PLPPR2: variants seen among roughly 807,000 people sequenced by gnomAD.
PLPPR2 encodes phospholipid phosphatase related 2, also known as phospholipid phosphatase-related protein type 2.
In PLPPR2, 11 loss-of-function variants were observed where a neutral mutation model predicts 40.3. The observed-to-expected ratio is 0.27, with a 90% confidence interval of 0.17 to 0.45. PLPPR2 has a LOEUF of 0.45. Ranked by LOEUF, PLPPR2 falls within the 20% of genes least tolerant of loss-of-function variation. The pLI is 1.00. For missense variants in PLPPR2, 497 were observed against 640.7 expected (o/e 0.78, Z 2.42); for synonymous variants, 260 against 290.8 (o/e 0.89, Z 1.08).
In PLPPR2 at chr19:11,363,926, G is replaced by A. The variant is rs1445164736; in HGVS notation, c.963+91G>A. On this transcript the variant is annotated intron_variant, in intron 8 of 9. Coordinates refer to ENST00000688289, the MANE Select transcript of PLPPR2 (RefSeq NM_001393892.1). The surrounding 1 kb of genome is among the most constrained non-coding windows in gnomAD (Gnocchi z 4.8). ...GAAGGAAGTCAGGCAAGAGGTGGGG[G>A]TCTCAGAACCATGGGGAAGTGGAGG... is the stretch of plus-strand genomic sequence containing the variant. 26 of 1,471,020 alleles carry A rather than the reference G, an allele frequency of 1.8e-5. No individual in the cohort carries two copies. The Admixed American group carries it at 5.7e-4, about 32-fold the overall frequency. The allele number at this position is 1,471,020 out of a possible 1,614,324, so 91.1% of individuals were successfully genotyped here.
In PLPPR2 at chr19:11,361,709, GC is replaced by G. The variant is rs1198687368; in HGVS notation, c.663+224del. Among the ~76,000 whole-genome samples the G allele has an allele frequency of 6.6e-6, 1 of 152,044 alleles. No homozygotes were observed. The highest frequency in any genetic ancestry group is 2.4e-5 in the African/African-American group (1 of 41,382). On this transcript the variant is annotated intron_variant, in intron 6 of 9. Transcript: ENST00000688289. This position sits in a 1 kb window ranked among gnomAD's most constrained non-coding sequence, Gnocchi z 6.3. ...TCGCTGTCCATTGACTCCGCCCCTT[GC>G]CCTCTGGCCACGCCTCCTGAGCCAG...
Position 11,357,681 on chromosome 19 carries a change from G to A in PLPPR2, c.8G>A (p.Gly3Glu), listed in dbSNP as rs199924934. Reference protein sequence around the residue: MAGGRPHLKRSFS... With the variant: MAEGRPHLKRSFS... ...GCAGGCCTGGCCTTCACCATGGCGG[G>A]AGGGAGACCGCATCTGAAGAGGAGT... is the stretch of plus-strand genomic sequence containing the variant. The change falls in exon 3 of 10, where the codon GGA (glycine) becomes GAA (glutamate). Residue 3 changes from glycine to glutamate, a missense_variant. Physicochemically the swap from Gly to Glu is moderately conservative, Grantham distance 98. Transcript: ENST00000688289. 3 of 1,607,160 alleles carry A rather than the reference G, an allele frequency of 1.9e-6. No homozygotes were observed. The highest frequency in any genetic ancestry group is 2.3e-5 in the East Asian group (1 of 44,432).
At chr19:11,355,705 G>C (rs1260999640) in intron 1 of PLPPR2, 133 bp downstream of exon 1, 1 of 151,932 alleles carries the variant, frequency 6.6e-6, no homozygotes, top group Non-Finnish European at 1.5e-5. Flanking sequence ...GAGGCGGCGA[G>C]CTGGGGGAGG....
At position 11,364,187 on chromosome 19, in the gene PLPPR2, G is replaced by A. The variant is rs1230367086; in HGVS notation, c.990G>A (p.Ser330=). 8.7e-6 allele frequency: 14 copies of A among 1,612,116 alleles called. No homozygotes were observed. In the South Asian group the frequency reaches 1.3e-4, roughly 15 times the overall value. ...AACCCGAGGTCTGCAGGCCGCATTC[G>A]ACACCGGCACGGCTCACCCCATCCA... is the stretch of plus-strand genomic sequence containing the variant. ...AQEPEVCRPH[S]TPARLTPSKS... Residue 330 remains serine, a synonymous_variant, in exon 9 of 10, where the codon TCG becomes TCA. Coordinates refer to ENST00000688289, the MANE Select transcript of PLPPR2 (RefSeq NM_001393892.1). This position sits in a 1 kb window ranked among gnomAD's most constrained non-coding sequence, Gnocchi z 5.8.
Position 11,361,165 on chromosome 19 carries a change from G to T in PLPPR2, c.392-52G>T. ...GGAGCTAAGAGGCCCAATGGAATCA[G>T]TGGGAGCATCAGGGCCTGGCGCATG... On this transcript the variant is annotated intron_variant, in intron 5 of 9. Transcript: ENST00000688289. The surrounding 1 kb of genome is among the most constrained non-coding windows in gnomAD (Gnocchi z 6.3). 6.5e-7 allele frequency: 1 copy of T among 1,545,860 alleles called. No homozygotes were observed. The highest frequency in any genetic ancestry group is 8.7e-7 in the Non-Finnish European group (1 of 1,147,074).
At position 11,362,356 on chromosome 19, in the gene PLPPR2, A is replaced by G; in HGVS notation, c.664-157A>G. ...TTGCCTTTTTGGTCACGCTCCCTGG[A>G]AAAGCCCACTGGGAGCCCATGACTC... On this transcript the variant is annotated intron_variant, in intron 6 of 9. Coordinates refer to ENST00000688289, the MANE Select transcript of PLPPR2 (RefSeq NM_001393892.1). The surrounding 1 kb of genome is among the most constrained non-coding windows in gnomAD (Gnocchi z 5.3). 1 of 513,432 alleles carries G rather than the reference A, an allele frequency of 1.9e-6. No individual in the cohort carries two copies. Among genetic ancestry groups the G allele is most frequent in the South Asian group, 2.0e-5 (1 of 50,578 alleles). The allele number at this position is 513,432 out of a possible 1,614,324, so 31.8% of individuals were successfully genotyped here. A position where few individuals can be genotyped will look rare whatever the true frequency, so the allele number is the denominator to read the frequency against.
In PLPPR2 at chr19:11,364,497, C is replaced by T. The variant is rs199560592; in HGVS notation, c.1166C>T (p.Thr389Ile). The T allele has an allele frequency of 2.0e-4, 311 of 1,521,306 alleles. No individual in the cohort carries two copies. Among genetic ancestry groups the T allele is most frequent in the Non-Finnish European group, 2.4e-4 (276 of 1,139,076 alleles). 94.2% of individuals were successfully genotyped at this position (1,521,306 alleles called of 1,614,324 possible). The change falls in exon 10 of 10, where the codon ACC becomes ATC. Residue 389 changes from threonine to isoleucine, a missense_variant. Physicochemically the swap from Thr to Ile is moderately conservative, Grantham distance 89. Coordinates refer to ENST00000688289, the MANE Select transcript of PLPPR2 (RefSeq NM_001393892.1). This position sits in a 1 kb window ranked among gnomAD's most constrained non-coding sequence, Gnocchi z 5.8. The part of the protein sequence containing the change: ...LPLPLPLPAP[T>I]PSQGPSPSSP... ...CTGCCCCTACCCCTGCCAGCGCCCA[C>T]CCCCAGCCAGGGCCCCTCGCCTTCC... is the stretch of plus-strand genomic sequence containing the variant.
At position 11,364,443 on chromosome 19, in the gene PLPPR2, G is replaced by C; in HGVS notation, c.1112G>C (p.Arg371Pro). ...MCSSPRVPRP[R>P]LRSEPTPLPL... ...TCGTCGCCCCGTGTGCCCCGTCCTC[G>C]ATTGAGGTCTGAGCCGACGCCCTTG... The change falls in exon 10 of 10, where the codon CGA becomes CCA. Residue 371 changes from arginine to proline, a missense_variant. Physicochemically the swap from Arg to Pro is moderately radical, Grantham distance 103 (BLOSUM62 -2). Transcript: ENST00000688289. The surrounding 1 kb of genome is among the most constrained non-coding windows in gnomAD (Gnocchi z 5.8). The C allele has an allele frequency of 6.6e-7, 1 of 1,518,962 alleles. No homozygotes were observed. Among genetic ancestry groups the C allele is most frequent in the Non-Finnish European group, 8.8e-7 (1 of 1,139,128 alleles). 94.1% of individuals were successfully genotyped at this position (1,518,962 alleles called of 1,614,324 possible).
Position 11,362,731 on chromosome 19 carries a change from C to A in PLPPR2, c.840+42C>A, listed in dbSNP as rs765501236. 1.9e-6 allele frequency: 3 copies of A among 1,584,514 alleles called. 1 individual carries two copies. In the South Asian group the frequency reaches 3.5e-5, roughly 18 times the overall value. On this transcript the variant is annotated intron_variant, in intron 7 of 9. Coordinates refer to ENST00000688289, the MANE Select transcript of PLPPR2 (RefSeq NM_001393892.1). This position sits in a 1 kb window ranked among gnomAD's most constrained non-coding sequence, Gnocchi z 5.3. Reference sequence around the variant, plus strand: ...ACCTTCCCAGCATGGAAGACCCTCACCAGCTCTCTGACCCAAGAGGCAGGA... The same window carrying A: ...ACCTTCCCAGCATGGAAGACCCTCAACAGCTCTCTGACCCAAGAGGCAGGA...
Position 11,359,431 on chromosome 19 carries a change from A to G in PLPPR2, c.67-101A>G. 9.1e-7 allele frequency: 1 copy of G among 1,099,962 alleles called. No homozygotes were observed. Among genetic ancestry groups the G allele is most frequent in the Non-Finnish European group, 1.2e-6 (1 of 803,984 alleles). The allele number at this position is 1,099,962 out of a possible 1,614,324, so 68.1% of individuals were successfully genotyped here. ...ATCTTCTAGTTTCTGTCTCTAACCC[A>G]TGTTTCTCCATCTCTGTATCTCTGC... On this transcript the variant is annotated intron_variant, in intron 3 of 9. Coordinates refer to ENST00000688289, the MANE Select transcript of PLPPR2 (RefSeq NM_001393892.1). This position sits in a 1 kb window ranked among gnomAD's most constrained non-coding sequence, Gnocchi z 5.6.
intron 3 of PLPPR2, 23 bp downstream of exon 3, chr19:11,357,762 C>T (rs772157583): frequency 7.0e-6 from 11 of 1,578,058 alleles, no homozygotes; most frequent in Admixed American, 1.8e-5. Flanking sequence ...GTACCTCTCC[C>T]AGAGACGGCG....
rs776305997 is a variant in PLPPR2 at position 11,363,884 on chromosome 19, G to A, written c.963+49G>A. On this transcript the variant is annotated intron_variant, in intron 8 of 9. Coordinates refer to ENST00000688289, the MANE Select transcript of PLPPR2 (RefSeq NM_001393892.1). The surrounding 1 kb of genome is among the most constrained non-coding windows in gnomAD (Gnocchi z 4.8). ...CCGGCTGGAGAGGGTGGTGGGTGGA[G>A]GGGGCCAAGGAGACAGGAAGGAAGT... The A allele has an allele frequency of 8.2e-6, 13 of 1,578,980 alleles. No homozygotes were observed. The South Asian group carries it at 1.2e-4, about 15-fold the overall frequency.
chr19:11,357,900 C>T (rs1967933444), intron 3 of PLPPR2, among the ~76,000 whole-genome samples, 161 bp downstream of exon 3: 1 of 152,064 alleles, frequency 6.6e-6, no homozygotes, highest in African/African-American at 2.4e-5. Context: ...AGTGCCACTC[C>T]CCGGGGTCCA....
Position 11,361,095 on chromosome 19 carries a change from A to G in PLPPR2, c.392-122A>G. The G allele has an allele frequency of 7.7e-7, 1 of 1,294,492 alleles. No homozygotes were observed. Among genetic ancestry groups the G allele is most frequent in the Non-Finnish European group, 1.0e-6 (1 of 961,644 alleles). 80.2% of individuals were successfully genotyped at this position (1,294,492 alleles called of 1,614,324 possible). ...CTTAAAGGAAGGGGGATGTTGGCAC[A>G]ACTACAGGGTCCCAAGTGTGCTTTA... On this transcript the variant is annotated intron_variant, in intron 5 of 9. Coordinates refer to ENST00000688289, the MANE Select transcript of PLPPR2 (RefSeq NM_001393892.1). The surrounding 1 kb of genome is among the most constrained non-coding windows in gnomAD (Gnocchi z 6.3).
In PLPPR2 at chr19:11,359,834, A is replaced by T; in HGVS notation, c.269A>T (p.Glu90Val). The T allele has an allele frequency of 6.2e-7, 1 of 1,612,016 alleles. No individual in the cohort carries two copies. Among genetic ancestry groups the T allele is most frequent in the Non-Finnish European group, 8.5e-7 (1 of 1,178,532 alleles). Residue 90 changes from glutamate to valine, a missense_variant, in exon 5 of 10, where the codon GAG becomes GTG. Transcript: ENST00000688289. The surrounding 1 kb of genome is among the most constrained non-coding windows in gnomAD (Gnocchi z 5.6). ...AGPTLTILLG[E>V]LARAFFPAPP... Reference sequence around the variant, plus strand: ...TCTTGCCCACAGATCCTGCTGGGAGAGCTGGCGCGTGCCTTTTTCCCTGCA... The same window carrying T: ...TCTTGCCCACAGATCCTGCTGGGAGTGCTGGCGCGTGCCTTTTTCCCTGCA...
Position 11,355,870 on chromosome 19 carries a change from G to A in PLPPR2, c.-190+298G>A, listed in dbSNP as rs559445332. ...TGCATGACTGGGATTGTGTGGTTTC[G>A]GGAGGTCCGCGGGTGTGTGTGTGTG... On this transcript the variant is annotated intron_variant, in intron 1 of 9. Coordinates refer to ENST00000688289, the MANE Select transcript of PLPPR2 (RefSeq NM_001393892.1). Among the ~76,000 whole-genome samples, 5 of 152,116 alleles carry A rather than the reference G, an allele frequency of 3.3e-5. No homozygotes were observed. In the East Asian group the frequency reaches 7.7e-4, roughly 24 times the overall value.
chr19:11,359,685 G>T lies in PLPPR2; in HGVS notation c.220G>T (p.Val74Phe). ...EAASRVPPAL[V>F]YALVTAGPTL... ...TGCCAGCCGAGTGCCTCCTGCTCTT[G>T]TCTACGCACTGGTCACTGCCGGGCC... The change falls in exon 4 of 10, where the codon GTC becomes TTC. Residue 74 changes from valine (V) to phenylalanine (F), a missense_variant. Val to Phe is a conservative substitution (Grantham distance 50). Transcript: ENST00000688289. This position sits in a 1 kb window ranked among gnomAD's most constrained non-coding sequence, Gnocchi z 5.6. The T allele has an allele frequency of 6.2e-7, 1 of 1,607,962 alleles. No individual in the cohort carries two copies. Among genetic ancestry groups the T allele is most frequent in the African/African-American group, 1.3e-5 (1 of 74,966 alleles).
At position 11,363,966 on chromosome 19, in the gene PLPPR2, G is replaced by A. The variant is rs953970561; in HGVS notation, c.963+131G>A. The A allele has an allele frequency of 1.6e-5, 21 of 1,341,908 alleles. No individual in the cohort carries two copies. Among genetic ancestry groups the A allele is most frequent in the South Asian group, 2.8e-5 (2 of 70,826 alleles). 83.1% of individuals were successfully genotyped at this position (1,341,908 alleles called of 1,614,324 possible). ...GGAAGTGGAGGGATCACCCATCTCT[G>A]TGGACATAGGTCCTGGGCGGACAGC... is the stretch of plus-strand genomic sequence containing the variant. On this transcript the variant is annotated intron_variant, in intron 8 of 9. Transcript: ENST00000688289. This position sits in a 1 kb window ranked among gnomAD's most constrained non-coding sequence, Gnocchi z 4.8.
chr19:11,357,982 A>C (rs190093654), intron 3 of PLPPR2, among the ~76,000 whole-genome samples: 4 of 151,940 alleles, frequency 2.6e-5, no homozygotes, highest in African/African-American at 9.7e-5. Context: ...CAGTTTCCTC[A>C]TTCATAAAAT....
Sources: allele counts gnomAD v4.1 joint callset (sites outside exome capture counted in the v4.1 genomes callset), GRCh38; gene constraint gnomAD v4.1.1; non-coding constraint Gnocchi (gnomAD v3.1); transcripts MANE v1.5; gene names NCBI Gene and HGNC (gene_info 2026-07-23, HGNC 2026-07-21).